The following RYR2 variants were observed in gnomAD, a reference collection of about 807,000 sequenced individuals.
RYR2 encodes the protein cardiac muscle ryanodine receptor-calcium release channel.
A neutral mutation model predicts 601.1 loss-of-function variants in RYR2; 227 were observed. The observed-to-expected ratio is 0.38, with a 90% confidence interval of 0.34 to 0.42. The LOEUF (loss-of-function observed/expected upper bound fraction) is 0.42. Among genes scored for constraint, RYR2 ranks in the 10% least tolerant of loss-of-function variants. RYR2 has a pLI of 1.00. For synonymous variants in RYR2, 2,223 were observed against 2,175.1 expected, an observed-to-expected ratio of 1.02 and a Z score of -0.61; for missense variants, 4,646 against 6,156.5, an observed-to-expected ratio of 0.75 and a Z score of 8.21.
chr1:237,427,082 A>G (rs1706249586), intron 12 of RYR2, among the ~76,000 whole-genome samples: 1 of 152,176 alleles, frequency 6.6e-6, no homozygotes, highest in South Asian at 2.1e-4. Context: ...ATATAATACC[A>G]TTTACTAAAA....
At position 237,493,667 on chromosome 1, in the gene RYR2, T is replaced by C. The variant is rs1368488746; in HGVS notation, c.1961+580T>C. ...CAGGGTTTCACCGTGTTAGCCAGGA[T>C]GGTCTCGAACTCCTGACCTCGTGAT... On this transcript the variant is annotated intron_variant, in intron 19 of 104. Coordinates refer to ENST00000366574, the MANE Select transcript of RYR2 (RefSeq NM_001035.3). Among the ~76,000 whole-genome samples the C allele has an allele frequency of 7.2e-5, 11 of 152,298 alleles. No individual in the cohort carries two copies. In the East Asian group the frequency reaches 1.7e-3, roughly 24 times the overall value.
intron 2 of RYR2, among the ~76,000 whole-genome samples, chr1:237,304,495 G>A (rs183811009): frequency 6.6e-6 from 1 of 152,316 alleles, no homozygotes; most frequent in East Asian, 1.9e-4. Context: ...TCAGTGCCCA[G>A]AAGATGCATA....
At chr1:237,829,558 A>G (rs1663542514) in intron 102 of RYR2, among the ~76,000 whole-genome samples, 1 of 152,170 alleles carries the variant, frequency 6.6e-6, no homozygotes, top group South Asian at 2.1e-4. Context: ...GATGAGTGTG[A>G]TTTGAGCCAC....
rs184347701 is a variant in RYR2, at chr1:237,106,701, C to A, written c.48+64132C>A. Among the ~76,000 whole-genome samples, 13 of 152,270 alleles carry A rather than the reference C, an allele frequency of 8.5e-5. No individual in the cohort carries two copies. The highest frequency in any genetic ancestry group is 2.9e-5 in the Non-Finnish European group (2 of 68,026). Reference sequence around the variant, plus strand: ...GACATGGCACCTTCGTCCATTTGGGCTGCTATAACAAAATGCCATGGACTG... The same window carrying A: ...GACATGGCACCTTCGTCCATTTGGGATGCTATAACAAAATGCCATGGACTG... On this transcript the variant is annotated intron_variant, in intron 1 of 104. Coordinates refer to ENST00000366574, the MANE Select transcript of RYR2 (RefSeq NM_001035.3). This position sits in a 1 kb window ranked among gnomAD's most constrained non-coding sequence, Gnocchi z 4.4.
intron 20 of RYR2, among the ~76,000 whole-genome samples, chr1:237,497,418 G>A (rs187339544): frequency 6.6e-5 from 10 of 152,304 alleles, no homozygotes; most frequent in African/African-American, 2.4e-4. Context: ...GATTCATGAA[G>A]AAGTAGAGTT....
At chr1:237,177,724 A>C in intron 1 of RYR2, among the ~76,000 whole-genome samples, 1 of 152,152 alleles carries the variant, frequency 6.6e-6, no homozygotes, top group East Asian at 1.9e-4. Flanking sequence ...GTTTCTTTTA[A>C]AAACCATGCT....
chr1:237,593,263 T>G (rs1035990333), intron 32 of RYR2, among the ~76,000 whole-genome samples: 1 of 152,196 alleles, frequency 6.6e-6, no homozygotes, highest in African/African-American at 2.4e-5. Context: ...TTCCTGTTAT[T>G]TCTTATTTAA....
intron 12 of RYR2, among the ~76,000 whole-genome samples, chr1:237,434,418 C>A (rs1707141706): frequency 6.6e-6 from 1 of 152,136 alleles, no homozygotes; most frequent in Non-Finnish European, 1.5e-5. Context: ...CTTTGGTTTT[C>A]TTTTAAGGAA....
chr1:237,298,057 C>A (rs1018065509), intron 2 of RYR2, among the ~76,000 whole-genome samples: 1 of 151,768 alleles, frequency 6.6e-6, no homozygotes, highest in Non-Finnish European at 1.5e-5. Context: ...CAGTGCCCAG[C>A]CATAATGTTT....
At position 237,784,493 on chromosome 1, in the gene RYR2, C is replaced by G. The variant is rs1174020161; in HGVS notation, c.12781C>G (p.Leu4261Val). The G allele has an allele frequency of 6.2e-7, 1 of 1,613,512 alleles. No individual in the cohort carries two copies. Among genetic ancestry groups the G allele is most frequent in the Admixed American group, 1.7e-5 (1 of 59,958 alleles). ...CTTGACCCTTATGCGAATGCTCAGT[C>G]TGAAGAGCCTGAAGAAGCAGATGAA... ...NILTLMRMLS[L>V]KSLKKQMKKV... Residue 4261 changes from leucine to valine, a missense_variant, in exon 90 of 105, where the codon CTG becomes GTG. Leu to Val is a conservative substitution (Grantham distance 32). Transcript: ENST00000366574. The surrounding 1 kb of genome is among the most constrained non-coding windows in gnomAD (Gnocchi z 7.1).
chr1:237,153,102 T>C (rs1674912853), intron 1 of RYR2, among the ~76,000 whole-genome samples: 2 of 152,190 alleles, frequency 1.3e-5, no homozygotes, highest in African/African-American at 4.8e-5. Context: ...TGTGTGTATT[T>C]AGACAGGGAA....
chr1:237,373,615 T>C (rs1316691679), intron 6 of RYR2, among the ~76,000 whole-genome samples: 1 of 152,200 alleles, frequency 6.6e-6, no homozygotes, highest in Admixed American at 6.5e-5. Context: ...TACAACACTT[T>C]GTGGCATGGG....
chr1:237,230,689 C>T (rs1380672180), intron 1 of RYR2, among the ~76,000 whole-genome samples: 4 of 152,074 alleles, frequency 2.6e-5, no homozygotes, highest in Non-Finnish European at 4.4e-5. Flanking sequence ...GAGGCCTTGA[C>T]GTATGTATCA....
rs1461218817 is a variant in RYR2 at position 237,180,826 on chromosome 1, AAT to A, written c.49-89664_49-89663del. ...AATAATTACTAATTTCAATCATGTA[AAT>A]ATATATCAATATTAATAAAGTATAT... On this transcript the variant is annotated intron_variant, in intron 1 of 104. Transcript: ENST00000366574. This position sits in a 1 kb window ranked among gnomAD's most constrained non-coding sequence, Gnocchi z 5.3. Among the ~76,000 whole-genome samples the A allele has an allele frequency of 1.4e-5, 2 of 147,914 alleles. No homozygotes were observed. Among genetic ancestry groups the A allele is most frequent in the Non-Finnish European group, 3.0e-5 (2 of 67,234 alleles).
Position 237,566,782 on chromosome 1 carries a change from G to A in RYR2, c.3423+7G>A, listed in dbSNP as rs1672130626. 6.2e-7 allele frequency: 1 copy of A among 1,613,820 alleles called. No individual in the cohort carries two copies. Among genetic ancestry groups the A allele is most frequent in the Non-Finnish European group, 8.5e-7 (1 of 1,179,788 alleles). ...TGCCTTTGATGGCTTCAAGGTGAGT[G>A]GACTTTGTCCTGTGCCAGTCATCTG... On this transcript the variant is annotated splice_region_variant and intron_variant, in intron 28 of 104. Transcript: ENST00000366574.
chr1:237,809,389 T>A (rs790882), intron 100 of RYR2, among the ~76,000 whole-genome samples: 28,504 of 152,234 alleles, frequency 0.19, 3,183 homozygotes, highest in East Asian at 0.5. Flanking sequence ...TTCACCTTAA[T>A]GACTTTAACT....
intron 79 of RYR2, among the ~76,000 whole-genome samples, chr1:237,741,148 T>C (rs1691571457): frequency 3.9e-5 from 6 of 152,204 alleles, no homozygotes; most frequent in Non-Finnish European, 8.8e-5. Context: ...TTGCAAACTA[T>C]GCTCATGTGC....
intron 2 of RYR2, among the ~76,000 whole-genome samples, chr1:237,326,589 G>A (rs1424693862): frequency 2.0e-5 from 3 of 152,092 alleles, no homozygotes; most frequent in Non-Finnish European, 2.9e-5. Flanking sequence ...TGAGTATTTC[G>A]AAGCACTTAT....
chr1:237,079,856 T>C lies in RYR2; in HGVS notation c.48+37287T>C, dbSNP rs1320282034. On this transcript the variant is annotated intron_variant, in intron 1 of 104. Transcript: ENST00000366574. ...AGCCAAAAGAACAAAGCTGGAGGCA[T>C]CACACTACCTGACTTCAAACTATAC... Among the ~76,000 whole-genome samples the C allele has an allele frequency of 9.4e-3, 1,110 of 118,670 alleles. 10 individuals carry two copies. The highest frequency in any genetic ancestry group is 0.053 in the African/African-American group (1,045 of 19,820). 77.9% of individuals were successfully genotyped at this position (118,670 alleles called of 152,430 possible). A position where few individuals can be genotyped will look rare whatever the true frequency, so the allele number is the denominator to read the frequency against.
Sources: allele counts gnomAD v4.1 joint callset (sites outside exome capture counted in the v4.1 genomes callset), GRCh38; gene constraint gnomAD v4.1.1; non-coding constraint Gnocchi (gnomAD v3.1); transcripts MANE v1.5; gene names NCBI Gene and HGNC (gene_info 2026-07-23, HGNC 2026-07-21).